Variants in MECOM observed in about 807,000 individuals in gnomAD.
MECOM encodes MDS1 and EVI1 complex locus, also known as histone-lysine N-methyltransferase MECOM.
In MECOM, 13 loss-of-function variants were observed where a neutral mutation model predicts 116.3. The ratio of observed to expected loss-of-function variants is 0.11; its 90% CI spans 0.07 to 0.18. The LOEUF is 0.18. Among genes scored for constraint, MECOM ranks in the 10% least tolerant of loss-of-function variants. The probability of loss-of-function intolerance (pLI) is 1.00; values close to 1 mark genes in which losing one functional copy is unlikely to be tolerated. For missense variants in MECOM, 1,299 were observed against 1,509.0 expected, an observed-to-expected ratio of 0.86 and a Z score of 2.31; for synonymous variants, 528 against 535.2, an observed-to-expected ratio of 0.99 and a Z score of 0.19.
At chr3:169,119,469 T>C (rs114517644) in intron 7 of MECOM, among the ~76,000 whole-genome samples, 1 of 152,334 alleles carries the variant, frequency 6.6e-6, no homozygotes, top group Non-Finnish European at 1.5e-5. Context: ...CCTATGGCAC[T>C]TTAAAGTGAA....
At chr3:169,248,604 A>G (rs1025569698) in intron 2 of MECOM, among the ~76,000 whole-genome samples, 1 of 152,178 alleles carries the variant, frequency 6.6e-6, no homozygotes, top group African/African-American at 2.4e-5. Flanking sequence ...ATGTCCTCAT[A>G]TATTAAAGCC....
chr3:169,428,122 G>A (rs564382192), intron 1 of MECOM, among the ~76,000 whole-genome samples: 1 of 152,296 alleles, frequency 6.6e-6, no homozygotes, highest in South Asian at 2.1e-4. Flanking sequence ...AGAAGTTGCT[G>A]TGAGCCAACA....
intron 1 of MECOM, among the ~76,000 whole-genome samples, chr3:169,564,123 G>C (rs758464502): frequency 6.6e-6 from 1 of 152,066 alleles, no homozygotes; most frequent in Non-Finnish European, 1.5e-5. Context: ...TTGAAGAAAA[G>C]GTGTAGAGTA....
chr3:169,599,952 T>A (rs1767628253), intron 1 of MECOM, among the ~76,000 whole-genome samples: 1 of 152,158 alleles, frequency 6.6e-6, no homozygotes, highest in Admixed American at 6.5e-5. Flanking sequence ...ATATGTAATA[T>A]TCTGCACAAC....
At chr3:169,118,082 A>G (rs1255675374) in intron 7 of MECOM, among the ~76,000 whole-genome samples, 1 of 151,600 alleles carries the variant, frequency 6.6e-6, no homozygotes, top group Non-Finnish European at 1.5e-5. Flanking sequence ...TGTGCTTCTA[A>G]GTCAAAGCAA....
chr3:169,307,101 T>C (rs528102215), intron 2 of MECOM, among the ~76,000 whole-genome samples: 164 of 152,348 alleles, frequency 1.1e-3, no homozygotes, highest in Non-Finnish European at 1.9e-3. Flanking sequence ...TTTCATATCA[T>C]TGGGCATGGT....
intron 1 of MECOM, among the ~76,000 whole-genome samples, chr3:169,422,984 G>A (rs1740019627): frequency 6.6e-6 from 1 of 152,014 alleles, no homozygotes; most frequent in East Asian, 1.9e-4. Flanking sequence ...GCTCTGGTAA[G>A]CAGAAAAAAT....
intron 1 of MECOM, among the ~76,000 whole-genome samples, chr3:169,499,346 C>CAAAAAAA (rs60302997): frequency 5.8e-5 from 3 of 51,580 alleles, no homozygotes; most frequent in African/African-American, 1.7e-4. Flanking sequence ...AGATTACCCA[C>CAAAAAAA]AAAAAAAAAA....
Position 169,636,929 on chromosome 3 carries a change from T to G in MECOM, c.37+26407A>C, listed in dbSNP as rs566333659. On this transcript the variant is annotated intron_variant, in intron 1 of 16. Coordinates refer to ENST00000651503, the MANE Select transcript of MECOM (RefSeq NM_004991.4). ...TCTAAATAGACTACAATACCTAGTC[T>G]CTGAAAATGCCACCCTATCCACCTG... Among the ~76,000 whole-genome samples the G allele has an allele frequency of 3.6e-4, 55 of 152,266 alleles. 1 individual carries two copies. In the South Asian group the frequency reaches 0.011, roughly 30 times the overall value.
chr3:169,624,896 C>T (rs1324140426), intron 1 of MECOM, among the ~76,000 whole-genome samples: 1 of 151,952 alleles, frequency 6.6e-6, no homozygotes, highest in African/African-American at 2.4e-5. Context: ...TTTTACCAGC[C>T]CCTCTGGGAA....
intron 12 of MECOM, among the ~76,000 whole-genome samples, chr3:169,096,962 CCAGT>C (rs1721681228): frequency 1.0e-4 from 4 of 38,182 alleles, no homozygotes; most frequent in African/African-American, 3.1e-4. Context: ...TATTTTAGCC[CCAGT>C]TTTTTTTTTT....
chr3:169,118,209 G>T (rs899473761), intron 7 of MECOM, among the ~76,000 whole-genome samples: 22 of 152,102 alleles, frequency 1.4e-4, no homozygotes, highest in African/African-American at 5.1e-4. Context: ...CCAAGTAAGG[G>T]TATATCTCTT....
At position 169,245,507 on chromosome 3, in the gene MECOM, G is replaced by A. The variant is rs1755470211; in HGVS notation, c.376-101675C>T. Among the ~76,000 whole-genome samples the A allele has an allele frequency of 2.6e-5, 4 of 152,270 alleles. No homozygotes were observed. In the South Asian group the frequency reaches 6.2e-4, roughly 24 times the overall value. On this transcript the variant is annotated intron_variant, in intron 2 of 16. Transcript: ENST00000651503. Reference sequence around the variant, plus strand: ...GCAAAGTACTTTACTGTGGGTGGTAGAAAATTAATTAGTTTTAAATAATCA... The same window carrying A: ...GCAAAGTACTTTACTGTGGGTGGTAAAAAATTAATTAGTTTTAAATAATCA...
At position 169,122,743 on chromosome 3, in the gene MECOM, T is replaced by C. The variant is rs763980444; in HGVS notation, c.831-16A>G. 7.4e-6 allele frequency: 12 copies of C among 1,611,014 alleles called. No individual in the cohort carries two copies. Among genetic ancestry groups the C allele is most frequent in the African/African-American group, 2.7e-5 (2 of 74,960 alleles). On this transcript the variant is annotated splice_polypyrimidine_tract_variant and intron_variant, in intron 5 of 16. Coordinates refer to ENST00000651503, the MANE Select transcript of MECOM (RefSeq NM_004991.4). ...TTTCTCCAGGCTGTTAAGAGAACAA[T>C]AGATTTTAAAAGACAAAGGATGCAT...
At chr3:169,090,899 G>A (rs766523471) in intron 14 of MECOM, among the ~76,000 whole-genome samples, 1 of 151,860 alleles carries the variant, frequency 6.6e-6, no homozygotes, top group Non-Finnish European at 1.5e-5. Context: ...AAAAAGCTCA[G>A]GTATTACAAT....
Position 169,116,520 on chromosome 3 carries a change from A to G in MECOM, c.1352T>C (p.Met451Thr). The G allele has an allele frequency of 1.2e-6, 2 of 1,614,208 alleles. No homozygotes were observed. The highest frequency in any genetic ancestry group is 2.2e-5 in the South Asian group (2 of 91,082). ...CATATTAACCATGGACGTTTTATCC[A>G]TAGCTGGGGTTCCAGGAAGTGAAAT... ...QGISLPGTPA[M>T]DKTSMVNMSH... The change falls in exon 8 of 17, where the codon ATG becomes ACG. Residue 451 changes from methionine to threonine, a missense_variant. Met to Thr is a moderately conservative substitution (Grantham distance 81, BLOSUM62 -1). Around this residue, in one of 6 missense-constraint regions of MECOM, gnomAD observed 238 missense variants for 273.1 expected, o/e 0.87. Transcript: ENST00000651503.
Position 169,116,170 on chromosome 3 carries a change from T to C in MECOM, c.1702A>G (p.Arg568Gly), listed in dbSNP as rs111853622. 3.1e-6 allele frequency: 5 copies of C among 1,614,148 alleles called. No homozygotes were observed. Among genetic ancestry groups the C allele is most frequent in the Non-Finnish European group, 4.2e-6 (5 of 1,180,024 alleles). The stretch of plus-strand genomic sequence containing the variant: ...TGGTCACTGATTTTCTCAAAGGGCC[T>C]CTCTTCAGAGGACCTCTCGGGCTGG... ...ELQPERSSEERPFEKISDQSE... is the reference protein window; with the variant it reads ...ELQPERSSEEGPFEKISDQSE... The change falls in exon 8 of 17, where the codon AGG becomes GGG. Residue 568 changes from arginine to glycine, a missense_variant. Around this residue, in one of 6 missense-constraint regions of MECOM, gnomAD observed 238 missense variants for 273.1 expected, o/e 0.87. Transcript: ENST00000651503.
rs79126379 is a variant in MECOM, at chr3:169,300,307, G to C, written c.375+80880C>G. ...GTAAGAAAATGAATGATATTTTATA[G>C]TAAATAATCATAATTTACATACTAA... On this transcript the variant is annotated intron_variant, in intron 2 of 16. Transcript: ENST00000651503. Among the ~76,000 whole-genome samples the C allele has an allele frequency of 1.6e-3, 251 of 152,234 alleles. 5 individuals carry two copies. In the East Asian group the frequency reaches 0.046, roughly 28 times the overall value.
At chr3:169,251,915 T>C (rs1318537960) in intron 2 of MECOM, among the ~76,000 whole-genome samples, 1 of 152,194 alleles carries the variant, frequency 6.6e-6, no homozygotes, top group Admixed American at 6.6e-5. Flanking sequence ...ATCCAAACCA[T>C]ATATTACAAT....
Sources: allele counts gnomAD v4.1 joint callset (sites outside exome capture counted in the v4.1 genomes callset), GRCh38; gene constraint gnomAD v4.1.1; regional missense constraint gnomAD v4.1.1; transcripts MANE v1.5; gene names NCBI Gene and HGNC (gene_info 2026-07-23, HGNC 2026-07-21).